PLN: variants seen among roughly 807,000 people sequenced by gnomAD.
PLN encodes the protein phospholamban, also known as cardiac phospholamban.
PLN carries 1 observed loss-of-function variant against 3.9 expected under a neutral mutation model. That is an observed-to-expected ratio of 0.26 (90% CI 0.09 to 1.23). The LOEUF (loss-of-function observed/expected upper bound fraction) is 1.23, where lower values mean the gene tolerates loss of function less well. PLN is among the 50% of genes most tolerant of loss of function. The probability of loss-of-function intolerance (pLI) is 0.48; values close to 1 mark genes in which losing one functional copy is unlikely to be tolerated. For missense variants in PLN, 59 were observed against 62.7 expected, an observed-to-expected ratio of 0.94 and a Z score of 0.20; for synonymous variants, 21 against 20.5, an observed-to-expected ratio of 1.02 and a Z score of -0.07.
At chr6:118,550,391 A>T (rs1236544961) in intron 1 of PLN, among the ~76,000 whole-genome samples, 1 of 151,826 alleles carries the variant, frequency 6.6e-6, no homozygotes, top group African/African-American at 2.4e-5. Context: ...TTAAATTTTT[A>T]ATTAAAAAAC....
chr6:118,550,591 CA>C, intron 1 of PLN, among the ~76,000 whole-genome samples: 1 of 151,806 alleles, frequency 6.6e-6, no homozygotes, highest in South Asian at 2.1e-4. Context: ...AGGAAAGATG[CA>C]AAAAGGTGAA....
chr6:118,561,265 G>GA lies in PLN; in HGVS notation c.*2188dup. ...CTGGTTTTAGTAAATTACCAATACA[G>GA]AAAGTATCCCTAGTCTTAAAAACAA... is the stretch of plus-strand genomic sequence containing the variant. On this transcript the variant is annotated 3_prime_UTR_variant, in exon 2 of 2. Transcript: ENST00000357525. Among the ~76,000 whole-genome samples the GA allele has an allele frequency of 6.6e-6, 1 of 152,266 alleles. No individual in the cohort carries two copies. The highest frequency in any genetic ancestry group is 6.5e-5 in the Admixed American group (1 of 15,292).
At chr6:118,549,447 T>C (rs1356778693) in intron 1 of PLN, among the ~76,000 whole-genome samples, 1 of 151,836 alleles carries the variant, frequency 6.6e-6, no homozygotes, top group African/African-American at 2.4e-5. Flanking sequence ...AAATTACATA[T>C]ATTTTATTTA....
In PLN at chr6:118,560,843, A is replaced by G. The variant is rs1779184536; in HGVS notation, c.*1763A>G. The G allele has an allele frequency of 1.3e-5, 2 of 152,784 alleles. No homozygotes were observed. Among genetic ancestry groups the G allele is most frequent in the East Asian group, 1.9e-4 (1 of 5,204 alleles). The allele number at this position is 152,784 out of a possible 1,614,324, so 9.5% of individuals were successfully genotyped here. On this transcript the variant is annotated 3_prime_UTR_variant, in exon 2 of 2. Transcript: ENST00000357525. Reference sequence around the variant, plus strand: ...CAAACTTTGGTAATTTAAGTTGACTAAAGTTTAAAATTAAGTCTAAAATAG... The same window carrying G: ...CAAACTTTGGTAATTTAAGTTGACTGAAGTTTAAAATTAAGTCTAAAATAG...
chr6:118,558,459 T>C (rs1001152567), intron 1 of PLN, among the ~76,000 whole-genome samples: 3 of 152,060 alleles, frequency 2.0e-5, no homozygotes, highest in African/African-American at 7.2e-5. Flanking sequence ...AAGTCATGGT[T>C]TCCAGGAACT....
chr6:118,552,304 T>C (rs1778595165), intron 1 of PLN, among the ~76,000 whole-genome samples: 1 of 152,018 alleles, frequency 6.6e-6, no homozygotes, highest in African/African-American at 2.4e-5. Flanking sequence ...ATACTGAAGT[T>C]TGAGAAGTTC....
At chr6:118,549,500 T>C (rs1479649729) in intron 1 of PLN, among the ~76,000 whole-genome samples, 1 of 151,846 alleles carries the variant, frequency 6.6e-6, no homozygotes, top group Non-Finnish European at 1.5e-5. Flanking sequence ...ATAAAATTTA[T>C]CTCTAAAATT....
chr6:118,560,333 C>T lies in PLN; in HGVS notation c.*1253C>T, dbSNP rs1297324603. 1 of 166,816 alleles carries T rather than the reference C, an allele frequency of 6.0e-6. No individual in the cohort carries two copies. The highest frequency in any genetic ancestry group is 6.6e-5 in the Admixed American group (1 of 15,252). 10.3% of individuals were successfully genotyped at this position (166,816 alleles called of 1,614,324 possible). ...GTTATATGTATTATACACTATATTC[C>T]TACAATAAAGTAAGCTAGAGAAAAT... On this transcript the variant is annotated 3_prime_UTR_variant, in exon 2 of 2. Coordinates refer to ENST00000357525, the MANE Select transcript of PLN (RefSeq NM_002667.5).
intron 1 of PLN, among the ~76,000 whole-genome samples, chr6:118,555,712 CAT>C (rs980300991): frequency 1.3e-5 from 2 of 152,126 alleles, no homozygotes; most frequent in East Asian, 1.9e-4. Flanking sequence ...CAGGTAAACA[CAT>C]GTCATGGGGA....
intron 1 of PLN, among the ~76,000 whole-genome samples, chr6:118,551,519 T>C (rs1457519380): frequency 1.3e-5 from 2 of 151,952 alleles, no homozygotes; most frequent in Non-Finnish European, 1.5e-5. Flanking sequence ...TTGTAAAGCA[T>C]TGTTTCAATA....
In PLN at chr6:118,559,495, T is replaced by C. The variant is rs117280667; in HGVS notation, c.*415T>C. Reference sequence around the variant, plus strand: ...TACAATGTAAAAGCTTCTTTAATACTAAGTATTTTTCAGGTCTTCACCAAG... The same window carrying C: ...TACAATGTAAAAGCTTCTTTAATACCAAGTATTTTTCAGGTCTTCACCAAG... On this transcript the variant is annotated 3_prime_UTR_variant, in exon 2 of 2. Transcript: ENST00000357525. 100 of 219,502 alleles carry C rather than the reference T, an allele frequency of 4.6e-4. 2 individuals are homozygous for C. In the East Asian group the frequency reaches 0.012, roughly 26 times the overall value. The allele number at this position is 219,502 out of a possible 1,614,324, so 13.6% of individuals were successfully genotyped here.
intron 1 of PLN, among the ~76,000 whole-genome samples, chr6:118,553,885 C>T (rs1158012736): frequency 6.6e-6 from 1 of 152,126 alleles, no homozygotes; most frequent in Non-Finnish European, 1.5e-5. Flanking sequence ...TCCTCTAAGC[C>T]TCATTTTTCT....
chr6:118,558,654 CACACACAGAGAG>C (rs1156395213), intron 1 of PLN, among the ~76,000 whole-genome samples, 159 bp from the exon 2 acceptor site: 8 of 131,544 alleles, frequency 6.1e-5, no homozygotes, highest in Admixed American at 2.9e-4. Flanking sequence ...CACACACACA[CACACACAGAGAG>C]AGAGAGAGAG....
intron 1 of PLN, among the ~76,000 whole-genome samples, chr6:118,553,741 A>G (rs1183243930): frequency 6.6e-6 from 1 of 152,172 alleles, no homozygotes; most frequent in African/African-American, 2.4e-5. Flanking sequence ...AAGTATGTTA[A>G]CTATGCTTTA....
At chr6:118,548,707 A>G (rs1260919628) in intron 1 of PLN, among the ~76,000 whole-genome samples, 1 of 152,040 alleles carries the variant, frequency 6.6e-6, no homozygotes, top group Non-Finnish European at 1.5e-5. Context: ...AAATCTTCCA[A>G]TTATGTTACC....
At chr6:118,555,051 C>T (rs1035059932) in intron 1 of PLN, among the ~76,000 whole-genome samples, 6 of 152,164 alleles carry the variant, frequency 3.9e-5, no homozygotes, top group South Asian at 2.1e-4. Flanking sequence ...AGCCCAAAAA[C>T]CTCACAAAAC....
intron 1 of PLN, among the ~76,000 whole-genome samples, chr6:118,550,406 A>C (rs1026113579): frequency 1.3e-5 from 2 of 151,862 alleles, no homozygotes; most frequent in African/African-American, 4.8e-5. Context: ...AAAAACCTAA[A>C]GTCTAGTTAC....
intron 1 of PLN, among the ~76,000 whole-genome samples, chr6:118,558,598 GAGAC>G (rs943232951): frequency 3.3e-5 from 5 of 149,280 alleles, no homozygotes; most frequent in East Asian, 3.9e-4. Context: ...GAGAGAAAGA[GAGAC>G]AGACACATAG....
At chr6:118,556,116 G>A (rs1394491156) in intron 1 of PLN, among the ~76,000 whole-genome samples, 1 of 152,034 alleles carries the variant, frequency 6.6e-6, no homozygotes, top group Admixed American at 6.6e-5. Context: ...AATATTCATG[G>A]GTGTATGTCT....
Sources: allele counts gnomAD v4.1 joint callset (sites outside exome capture counted in the v4.1 genomes callset), GRCh38; gene constraint gnomAD v4.1.1; transcripts MANE v1.5; gene names NCBI Gene and HGNC (gene_info 2026-07-23, HGNC 2026-07-21).